Variants in PLCB1 observed in about 807,000 individuals in gnomAD.
PLCB1 encodes phospholipase C beta 1.
In PLCB1, 46 loss-of-function variants were observed where a neutral mutation model predicts 161.8. The observed-to-expected ratio is 0.28, with a 90% confidence interval of 0.22 to 0.36. The LOEUF is 0.36. Among genes scored for constraint, PLCB1 ranks in the 10% least tolerant of loss-of-function variants. The pLI is 1.00. For missense variants in PLCB1, 1,016 were observed against 1,472.5 expected, an observed-to-expected ratio of 0.69 and a Z score of 5.07; for synonymous variants, 517 against 503.7, an observed-to-expected ratio of 1.03 and a Z score of -0.35.
intron 3 of PLCB1, among the ~76,000 whole-genome samples, chr20:8,374,377 A>G (rs1379469385): frequency 6.6e-6 from 1 of 152,200 alleles, no homozygotes; most frequent in Non-Finnish European, 1.5e-5. Flanking sequence ...TGAGTCAGTT[A>G]AACCTCTTTG....
chr20:8,831,908 CT>C (rs199636431), intron 31 of PLCB1, among the ~76,000 whole-genome samples: 4 of 71,932 alleles, frequency 5.6e-5, no homozygotes, highest in Non-Finnish European at 9.4e-5. Context: ...CCCTCTCTTT[CT>C]TTCTCTTTCT....
chr20:8,198,736 C>T (rs1203554294), intron 2 of PLCB1, among the ~76,000 whole-genome samples: 1 of 152,056 alleles, frequency 6.6e-6, no homozygotes, highest in African/African-American at 2.4e-5. Flanking sequence ...GTGCTAATGG[C>T]TGGTTTCTCA....
intron 1 of PLCB1, among the ~76,000 whole-genome samples, chr20:8,136,409 A>G (rs1448122426): frequency 2.0e-5 from 3 of 152,230 alleles, no homozygotes; most frequent in Non-Finnish European, 4.4e-5. Context: ...GGCAGATCAC[A>G]AGACCAGGAG....
chr20:8,502,312 C>T (rs1004905545), intron 3 of PLCB1, among the ~76,000 whole-genome samples: 1 of 152,114 alleles, frequency 6.6e-6, no homozygotes, highest in Non-Finnish European at 1.5e-5. Flanking sequence ...TTCTTGTCAG[C>T]ACTGCCACAG....
intron 25 of PLCB1, among the ~76,000 whole-genome samples, chr20:8,761,983 G>GGGC (rs915541542): frequency 1.3e-5 from 2 of 151,598 alleles, no homozygotes; most frequent in Admixed American, 6.6e-5. Flanking sequence ...CCAAGGGGGG[G>GGGC]GCGGATCACC....
intron 3 of PLCB1, among the ~76,000 whole-genome samples, chr20:8,414,277 C>T (rs1180539848): frequency 6.6e-6 from 1 of 152,060 alleles, no homozygotes; most frequent in Non-Finnish European, 1.5e-5. Flanking sequence ...AGCCAGCATA[C>T]TAAGGAAAGA....
chr20:8,769,126 A>T (rs187992235), intron 26 of PLCB1, among the ~76,000 whole-genome samples: 5 of 152,354 alleles, frequency 3.3e-5, no homozygotes, highest in Admixed American at 3.3e-4. Context: ...GAGGTCACAG[A>T]CAGTTCTTGT....
chr20:8,298,169 T>A (rs1983724895), intron 2 of PLCB1, among the ~76,000 whole-genome samples: 1 of 151,620 alleles, frequency 6.6e-6, no homozygotes, highest in East Asian at 1.9e-4. Context: ...GTGGTGCACA[T>A]GGGTGGTCCC....
At chr20:8,448,479 A>T (rs1240762468) in intron 3 of PLCB1, among the ~76,000 whole-genome samples, 2 of 152,226 alleles carry the variant, frequency 1.3e-5, no homozygotes, top group Non-Finnish European at 2.9e-5. Flanking sequence ...AAGGCAGCGG[A>T]AGAAGCCTGA....
At chr20:8,731,415 C>A (rs1455483020) in intron 18 of PLCB1, among the ~76,000 whole-genome samples, 1 of 151,782 alleles carries the variant, frequency 6.6e-6, no homozygotes, top group Non-Finnish European at 1.5e-5. Flanking sequence ...AACACCAGGT[C>A]TTAACGTCTT....
chr20:8,452,883 A>G (rs1030204210), intron 3 of PLCB1, among the ~76,000 whole-genome samples: 2 of 152,242 alleles, frequency 1.3e-5, no homozygotes, highest in Non-Finnish European at 2.9e-5. Context: ...GTACGTTGGC[A>G]TTATAATGAT....
At chr20:8,404,654 C>T (rs532038435) in intron 3 of PLCB1, among the ~76,000 whole-genome samples, 1 of 152,200 alleles carries the variant, frequency 6.6e-6, no homozygotes, top group South Asian at 2.1e-4. Context: ...GGGTAACATT[C>T]TATAATTTAA....
intron 2 of PLCB1, among the ~76,000 whole-genome samples, chr20:8,364,066 T>C (rs1337190420): frequency 2.6e-5 from 4 of 152,152 alleles, no homozygotes; most frequent in Non-Finnish European, 4.4e-5. Context: ...TTCTCAGTTT[T>C]TATTTTATTT....
chr20:8,610,906 G>A (rs1222003726), intron 3 of PLCB1, among the ~76,000 whole-genome samples: 1 of 151,798 alleles, frequency 6.6e-6, no homozygotes, highest in Non-Finnish European at 1.5e-5. Context: ...AAGGGTCCAA[G>A]CTCATTATGA....
intron 2 of PLCB1, among the ~76,000 whole-genome samples, chr20:8,189,178 C>G (rs535316764): frequency 6.6e-6 from 1 of 151,642 alleles, no homozygotes; most frequent in South Asian, 2.1e-4. Flanking sequence ...ATGCTTATTT[C>G]ACTTAGCATA....
At chr20:8,841,495 A>C (rs1392884100) in intron 31 of PLCB1, among the ~76,000 whole-genome samples, 1 of 152,254 alleles carries the variant, frequency 6.6e-6, no homozygotes, top group Non-Finnish European at 1.5e-5. Flanking sequence ...AAAGGAAATC[A>C]GTACAATGAT....
intron 3 of PLCB1, among the ~76,000 whole-genome samples, chr20:8,518,888 G>A (rs1984241533): frequency 1.3e-5 from 2 of 152,042 alleles, no homozygotes; most frequent in South Asian, 4.2e-4. Flanking sequence ...ATCATCAGGT[G>A]TTAGATTCTC....
intron 15 of PLCB1, among the ~76,000 whole-genome samples, chr20:8,723,326 T>C (rs1432171137): frequency 6.6e-6 from 1 of 152,226 alleles, no homozygotes; most frequent in Non-Finnish European, 1.5e-5. Context: ...AAATAATTTT[T>C]AAACTCTCTT....
chr20:8,311,031 G>A (rs1303474827), intron 2 of PLCB1, among the ~76,000 whole-genome samples: 8 of 152,128 alleles, frequency 5.3e-5, no homozygotes, highest in Non-Finnish European at 7.3e-5. Flanking sequence ...CCAGCAATGA[G>A]TAAGCTTTCC....
Sources: gnomAD v4.1 joint callset for allele counts (sites outside exome capture counted in the v4.1 genomes callset) on GRCh38, gnomAD v4.1.1 for gene constraint, MANE v1.5 for transcripts, NCBI Gene and HGNC (gene_info 2026-07-23, HGNC 2026-07-21) for gene names.